Variants in RPTOR observed in about 807,000 individuals in gnomAD.
The protein encoded by RPTOR is regulatory associated protein of MTOR complex 1.
A neutral mutation model predicts 169.9 loss-of-function variants in RPTOR; 21 were observed. That is an observed-to-expected ratio of 0.12 (90% CI 0.09 to 0.18). The LOEUF (loss-of-function observed/expected upper bound fraction) is 0.18. Among genes scored for constraint, RPTOR ranks in the 10% least tolerant of loss-of-function variants. The pLI is 1.00. For missense variants in RPTOR, 1,133 were observed against 1,855.9 expected, an observed-to-expected ratio of 0.61 and a Z score of 7.16; for synonymous variants, 732 against 753.2, an observed-to-expected ratio of 0.97 and a Z score of 0.46.
chr17:80,625,622 A>G lies in RPTOR; in HGVS notation c.163-69A>G, dbSNP rs371114203. On this transcript the variant is annotated intron_variant, in intron 1 of 33. Coordinates refer to ENST00000306801, the MANE Select transcript of RPTOR (RefSeq NM_020761.3). ...CTCAATGTTCTGGGGGACATTTTAA[A>G]AGCTGGAAAAACACATAAACGAGTT... 121 of 1,246,184 alleles carry G rather than the reference A, an allele frequency of 9.7e-5. No homozygotes were observed. In the African/African-American group the frequency reaches 1.6e-3, roughly 16 times the overall value. 77.2% of individuals were successfully genotyped at this position (1,246,184 alleles called of 1,614,324 possible).
intron 1 of RPTOR, among the ~76,000 whole-genome samples, chr17:80,618,788 TAG>T (rs1477741490): frequency 4.6e-5 from 7 of 152,216 alleles, no homozygotes; most frequent in South Asian, 2.1e-4. Flanking sequence ...AATATAAAAA[TAG>T]AGAGTCTCCC....
At chr17:80,856,800 G>A (rs1255048219) in intron 12 of RPTOR, among the ~76,000 whole-genome samples, 1 of 152,182 alleles carries the variant, frequency 6.6e-6, no homozygotes, top group African/African-American at 2.4e-5. Flanking sequence ...TTTAAAACCA[G>A]TTTCTTCCCT....
intron 1 of RPTOR, among the ~76,000 whole-genome samples, chr17:80,548,537 T>C (rs2143199397): frequency 6.6e-6 from 1 of 151,128 alleles, no homozygotes; most frequent in East Asian, 1.9e-4. Context: ...GCCTGGCTAG[T>C]TTTTTTTGTA....
intron 17 of RPTOR, among the ~76,000 whole-genome samples, chr17:80,886,979 G>A (rs868572976): frequency 6.6e-6 from 1 of 152,198 alleles, no homozygotes; most frequent in East Asian, 1.9e-4. Flanking sequence ...GGCTGTGCCT[G>A]TGCCTGCATC....
At chr17:80,665,500 TTCCATG>T (rs796141378) in intron 3 of RPTOR, among the ~76,000 whole-genome samples, 6 of 30,326 alleles carry the variant, frequency 2.0e-4, no homozygotes, top group Non-Finnish European at 2.7e-4. Context: ...TTCCTTTCCT[TTCCATG>T]TCCTTTCCTT....
In RPTOR at chr17:80,646,334, C is replaced by T. The variant is rs1236133099; in HGVS notation, c.348+2524C>T. Among the ~76,000 whole-genome samples, 1 of 152,206 alleles carries T rather than the reference C, an allele frequency of 6.6e-6. No individual in the cohort carries two copies. The highest frequency in any genetic ancestry group is 1.5e-5 in the Non-Finnish European group (1 of 68,044). ...AACGGATGTCACAGGATACCTCTGA[C>T]CGGCTCCCAGGTGTGAGCGTGGGGC... is the stretch of plus-strand genomic sequence containing the variant. On this transcript the variant is annotated intron_variant, in intron 3 of 33. Coordinates refer to ENST00000306801, the MANE Select transcript of RPTOR (RefSeq NM_020761.3). This position sits in a 1 kb window ranked among gnomAD's most constrained non-coding sequence, Gnocchi z 5.0.
At chr17:80,822,139 C>A in intron 7 of RPTOR, 62 bp from the exon 8 acceptor site, 2 of 1,527,680 alleles carry the variant, frequency 1.3e-6, no homozygotes, top group Middle Eastern at 1.7e-4. Context: ...CTTGCAACCT[C>A]TCTTCCATTC....
Position 80,613,553 on chromosome 17 carries a change from G to A in RPTOR, c.163-12138G>A, listed in dbSNP as rs113120561. ...CACTTTCAAGAACTAACAGGACACAGGTGCTGTCTATGGTTGAATGACGCT... is the reference window on the plus strand; with the variant it reads ...CACTTTCAAGAACTAACAGGACACAAGTGCTGTCTATGGTTGAATGACGCT... On this transcript the variant is annotated intron_variant, in intron 1 of 33. Transcript: ENST00000306801. Among the ~76,000 whole-genome samples, 12 of 152,358 alleles carry A rather than the reference G, an allele frequency of 7.9e-5. No individual in the cohort carries two copies. The East Asian group carries it at 2.3e-3, about 29-fold the overall frequency.
chr17:80,717,187 C>T (rs2066246371), intron 4 of RPTOR, among the ~76,000 whole-genome samples: 1 of 152,152 alleles, frequency 6.6e-6, no homozygotes, highest in African/African-American at 2.4e-5. Context: ...CCAGATGTGG[C>T]ATGCACCCCT....
chr17:80,751,016 T>C (rs2066625169), intron 5 of RPTOR, among the ~76,000 whole-genome samples: 2 of 152,316 alleles, frequency 1.3e-5, no homozygotes, highest in African/African-American at 2.4e-5. Flanking sequence ...GTACTCTGGG[T>C]TTAATGTTCC....
intron 1 of RPTOR, among the ~76,000 whole-genome samples, chr17:80,572,552 C>G (rs1339928478): frequency 6.6e-6 from 1 of 152,064 alleles, no homozygotes; most frequent in African/African-American, 2.4e-5. Flanking sequence ...AACCCCATCT[C>G]TCAAAAACAA....
At chr17:80,953,252 A>G (rs2069205428) in intron 28 of RPTOR, among the ~76,000 whole-genome samples, 1 of 152,040 alleles carries the variant, frequency 6.6e-6, no homozygotes, top group Non-Finnish European at 1.5e-5. Context: ...TGCCCATTAA[A>G]GCAGTTTCTT....
chr17:80,669,678 C>T (rs955257213), intron 3 of RPTOR, among the ~76,000 whole-genome samples: 3 of 152,346 alleles, frequency 2.0e-5, no homozygotes, highest in African/African-American at 7.2e-5. Flanking sequence ...CCACCGCGCC[C>T]GGCCCAGTAG....
At chr17:80,694,614 A>C (rs1465888293) in intron 3 of RPTOR, among the ~76,000 whole-genome samples, 1 of 152,176 alleles carries the variant, frequency 6.6e-6, no homozygotes, top group Non-Finnish European at 1.5e-5. Context: ...GCAGGCGTGC[A>C]CATATGGAGT....
chr17:80,715,661 T>C (rs2066233594), intron 4 of RPTOR, among the ~76,000 whole-genome samples: 1 of 152,186 alleles, frequency 6.6e-6, no homozygotes. Flanking sequence ...GAAGAAGTTC[T>C]TTAGTGGTAA....
At chr17:80,767,110 T>C (rs780559674) in intron 6 of RPTOR, among the ~76,000 whole-genome samples, 4 of 152,188 alleles carry the variant, frequency 2.6e-5, no homozygotes, top group Non-Finnish European at 5.9e-5. Context: ...CGGGGGCTCA[T>C]GCCTATAATC....
chr17:80,599,335 C>T (rs529527274), intron 1 of RPTOR, among the ~76,000 whole-genome samples: 2 of 152,338 alleles, frequency 1.3e-5, no homozygotes, highest in East Asian at 3.9e-4. Context: ...CCCCCTGAGA[C>T]CTGTGGCGCC....
intron 3 of RPTOR, among the ~76,000 whole-genome samples, chr17:80,699,703 A>G (rs935934423): frequency 3.2e-5 from 4 of 123,552 alleles, no homozygotes; most frequent in Admixed American, 7.6e-5. Context: ...GGGGAGCTAG[A>G]GGTGCTGTGC....
In RPTOR at chr17:80,754,169, A is replaced by G. The variant is rs1240277584; in HGVS notation, c.814A>G (p.Lys272Glu). 2 of 1,607,630 alleles carry G rather than the reference A, an allele frequency of 1.2e-6. No individual in the cohort carries two copies. Among genetic ancestry groups the G allele is most frequent in the Non-Finnish European group, 1.7e-6 (2 of 1,176,460 alleles). ...CACCTCCTGCCTCACCACCCCCATC[A>G]AGATCGCCCTGCGCTGGTGAGTGGC... The part of the protein sequence containing the change: ...LFTSCLTTPI[K>E]IALRWFCMQK... The change falls in exon 6 of 34, where the codon AAG becomes GAG. Residue 272 changes from lysine to glutamate, a missense_variant. Coordinates refer to ENST00000306801, the MANE Select transcript of RPTOR (RefSeq NM_020761.3). This position sits in a 1 kb window ranked among gnomAD's most constrained non-coding sequence, Gnocchi z 4.2.
Sources: allele counts gnomAD v4.1 joint callset (sites outside exome capture counted in the v4.1 genomes callset), GRCh38; gene constraint gnomAD v4.1.1; non-coding constraint Gnocchi (gnomAD v3.1); transcripts MANE v1.5; gene names NCBI Gene and HGNC (gene_info 2026-07-23, HGNC 2026-07-21).